RIT2: variants seen among roughly 807,000 people sequenced by gnomAD.
The protein encoded by RIT2 is Ras like without CAAX 2.
In RIT2, 24 loss-of-function variants were observed where a neutral mutation model predicts 23.7. The ratio of observed to expected loss-of-function variants is 1.01; its 90% CI spans 0.73 to 1.43. RIT2 has a LOEUF of 1.43. Ranked by LOEUF, RIT2 falls within the 40% of genes most tolerant of loss-of-function variation. The pLI is 0.00. For synonymous variants in RIT2, 107 were observed against 91.1 expected (o/e 1.17, Z -0.99); for missense variants, 236 against 266.9 (o/e 0.88, Z 0.81).
At chr18:42,895,513 G>T (rs1427861827) in intron 4 of RIT2, among the ~76,000 whole-genome samples, 1 of 151,970 alleles carries the variant, frequency 6.6e-6, no homozygotes, top group Admixed American at 6.6e-5. Context: ...ATGTTTTGGG[G>T]GCAGTAAGAC....
intron 2 of RIT2, among the ~76,000 whole-genome samples, chr18:42,984,624 G>A (rs2144218599): frequency 6.6e-6 from 1 of 152,008 alleles, no homozygotes; most frequent in East Asian, 1.9e-4. Flanking sequence ...TGGCTTCCAA[G>A]AAGAAACAAT....
chr18:42,764,406 C>T (rs966066013), intron 4 of RIT2, among the ~76,000 whole-genome samples: 3 of 152,152 alleles, frequency 2.0e-5, no homozygotes, highest in Admixed American at 2.0e-4. Context: ...CCAACATTCA[C>T]CCAGATGCTA....
chr18:42,954,908 A>G (rs1187633793), intron 3 of RIT2, among the ~76,000 whole-genome samples: 1 of 152,130 alleles, frequency 6.6e-6, no homozygotes, highest in Non-Finnish European at 1.5e-5. Context: ...TAAGGTCACA[A>G]TAACTGAGAA....
chr18:43,057,096 A>G (rs1912521269), intron 1 of RIT2, among the ~76,000 whole-genome samples: 1 of 151,576 alleles, frequency 6.6e-6, no homozygotes, highest in Non-Finnish European at 1.5e-5. Context: ...GCCAGTGGAG[A>G]CTGTTTGTAG....
Position 42,986,691 on chromosome 18 carries a change from G to A in RIT2, c.161-12544C>T, listed in dbSNP as rs188415203. Among the ~76,000 whole-genome samples, 929 of 149,268 alleles carry A rather than the reference G, an allele frequency of 6.2e-3. 5 individuals are homozygous for A. The highest frequency in any genetic ancestry group is 0.021 in the African/African-American group (863 of 40,640). On this transcript the variant is annotated intron_variant, in intron 2 of 4. Transcript: ENST00000326695. ...TAATTTTTGTATTTTTAGTTGAGAC[G>A]AGGTTTCACCATGTTGGTCAGGCTG...
chr18:42,873,702 T>C (rs1907676684), intron 4 of RIT2, among the ~76,000 whole-genome samples: 1 of 152,020 alleles, frequency 6.6e-6, no homozygotes, highest in Non-Finnish European at 1.5e-5. Flanking sequence ...ATATTCAAGA[T>C]GATAAAAGCA....
chr18:42,908,053 T>A (rs539187254), intron 4 of RIT2, among the ~76,000 whole-genome samples: 12 of 147,290 alleles, frequency 8.1e-5, no homozygotes, highest in African/African-American at 2.5e-4. Flanking sequence ...ACATGGAAAA[T>A]CTCAGGACAT....
intron 3 of RIT2, among the ~76,000 whole-genome samples, chr18:42,928,938 C>T (rs1012799792): frequency 1.3e-5 from 2 of 149,758 alleles, no homozygotes; most frequent in African/African-American, 2.5e-5. Flanking sequence ...CTTTGCCTAA[C>T]TCATTCATCA....
At chr18:42,822,514 C>T (rs998928770) in intron 4 of RIT2, among the ~76,000 whole-genome samples, 2 of 152,152 alleles carry the variant, frequency 1.3e-5, no homozygotes, top group Admixed American at 6.6e-5. Flanking sequence ...GGTTCCAATA[C>T]ATTGTTGTAC....
chr18:42,757,668 T>G (rs1913195873), intron 4 of RIT2, among the ~76,000 whole-genome samples: 2 of 152,204 alleles, frequency 1.3e-5, no homozygotes, highest in Admixed American at 1.3e-4. Flanking sequence ...TACATTTATA[T>G]TTCAATCTTA....
chr18:43,001,042 T>C (rs1016109219), intron 2 of RIT2, among the ~76,000 whole-genome samples: 36 of 152,156 alleles, frequency 2.4e-4, no homozygotes, highest in African/African-American at 8.2e-4. Context: ...CATTCTTTTA[T>C]TTCATTTCAT....
chr18:42,943,463 C>T (rs560723803), intron 3 of RIT2, among the ~76,000 whole-genome samples: 12 of 152,098 alleles, frequency 7.9e-5, no homozygotes, highest in Non-Finnish European at 1.8e-4. Context: ...GTACTGCTGA[C>T]AATTTTCGAT....
chr18:42,776,206 T>C (rs567931693), intron 4 of RIT2, among the ~76,000 whole-genome samples: 15 of 152,172 alleles, frequency 9.9e-5, no homozygotes, highest in African/African-American at 3.4e-4. Flanking sequence ...AGTTGGAAAA[T>C]AGAGGATCAA....
intron 2 of RIT2, among the ~76,000 whole-genome samples, chr18:43,028,077 A>G (rs1465819952): frequency 6.6e-6 from 1 of 152,150 alleles, no homozygotes; most frequent in Admixed American, 6.6e-5. Context: ...AAGATGAACA[A>G]AAAATTAATA....
intron 2 of RIT2, among the ~76,000 whole-genome samples, chr18:43,022,682 T>C (rs951192477): frequency 1.3e-5 from 2 of 152,096 alleles, no homozygotes; most frequent in Non-Finnish European, 2.9e-5. Flanking sequence ...TAAAATGTAA[T>C]CTCTATGAGG....
chr18:43,035,031 T>G (rs1243746800), intron 1 of RIT2, among the ~76,000 whole-genome samples: 1 of 152,244 alleles, frequency 6.6e-6, no homozygotes, highest in Non-Finnish European at 1.5e-5. Context: ...TTAAATTTAT[T>G]TTTATTGCTT....
intron 1 of RIT2, among the ~76,000 whole-genome samples, chr18:43,065,519 T>G (rs1912752070): frequency 6.6e-6 from 1 of 152,190 alleles, no homozygotes; most frequent in Non-Finnish European, 1.5e-5. Flanking sequence ...TGGGCACTCA[T>G]TAGTAGAACT....
intron 4 of RIT2, among the ~76,000 whole-genome samples, chr18:42,848,266 T>C (rs1031396806): frequency 1.3e-5 from 2 of 152,192 alleles, no homozygotes; most frequent in Non-Finnish European, 2.9e-5. Flanking sequence ...GAGCTGAACT[T>C]CTTTTTAGAG....
intron 4 of RIT2, among the ~76,000 whole-genome samples, chr18:42,785,885 C>T (rs140612685): frequency 1.3e-5 from 2 of 152,206 alleles, no homozygotes; most frequent in African/African-American, 4.8e-5. Context: ...AGCAATGCAG[C>T]TAACATGAAT....
Sources: allele counts gnomAD v4.1 joint callset (sites outside exome capture counted in the v4.1 genomes callset), GRCh38; gene constraint gnomAD v4.1.1; transcripts MANE v1.5; gene names NCBI Gene and HGNC (gene_info 2026-07-23, HGNC 2026-07-21).